Variants in NR1H4 observed in about 807,000 individuals in gnomAD.
The protein encoded by NR1H4 is bile acid receptor.
In NR1H4, 23 loss-of-function variants were observed where a neutral mutation model predicts 58.5. The ratio of observed to expected loss-of-function variants is 0.39; its 90% CI spans 0.28 to 0.56. NR1H4 has a LOEUF of 0.56. NR1H4 is among the 20% of genes least tolerant of loss of function. The pLI is 0.58. For synonymous variants in NR1H4, 214 were observed against 198.0 expected (o/e 1.08, Z -0.68); for missense variants, 487 against 576.9 (o/e 0.84, Z 1.60).
intron 3 of NR1H4, among the ~76,000 whole-genome samples, chr12:100,494,949 A>G (rs922368898): frequency 3.3e-5 from 5 of 152,210 alleles, no homozygotes; most frequent in South Asian, 2.1e-4. Flanking sequence ...CAATTTGCAT[A>G]CAGAGAGAAA....
At chr12:100,524,868 G>T (rs61046002) in intron 4 of NR1H4, among the ~76,000 whole-genome samples, 8,928 of 152,162 alleles carry the variant, frequency 0.059, 542 homozygotes, top group East Asian at 0.14. Context: ...GAAGGGGCTG[G>T]TGGGAAGAAA....
chr12:100,552,946 C>G (rs1955236836), intron 9 of NR1H4, among the ~76,000 whole-genome samples: 1 of 151,920 alleles, frequency 6.6e-6, no homozygotes, highest in Admixed American at 6.6e-5. Flanking sequence ...TATGGAGCAC[C>G]CTTTATGGGT....
intron 9 of NR1H4, among the ~76,000 whole-genome samples, chr12:100,556,670 G>A (rs1165015356): frequency 6.6e-6 from 1 of 152,180 alleles, no homozygotes; most frequent in Non-Finnish European, 1.5e-5. Context: ...ATTTGGGAAT[G>A]TGTGTTGGAT....
intron 4 of NR1H4, among the ~76,000 whole-genome samples, chr12:100,516,823 C>A (rs929293524): frequency 2.0e-5 from 3 of 152,122 alleles, no homozygotes; most frequent in Non-Finnish European, 4.4e-5. Context: ...GTGCTAATAG[C>A]TTGTGTGATG....
chr12:100,537,114 C>G, intron 8 of NR1H4, 67 bp downstream of exon 8: 1 of 963,288 alleles, frequency 1.0e-6, no homozygotes, highest in South Asian at 1.4e-5. Context: ...GATTAGATTA[C>G]CTATTTTACA....
At chr12:100,557,470 A>G (rs542433329) in intron 9 of NR1H4, among the ~76,000 whole-genome samples, 13 of 152,356 alleles carry the variant, frequency 8.5e-5, no homozygotes, top group African/African-American at 3.1e-4. Context: ...ATTTAGAGGC[A>G]AAAAACATCC....
At chr12:100,487,195 TATG>T (rs1308378386) in intron 1 of NR1H4, among the ~76,000 whole-genome samples, 1 of 152,050 alleles carries the variant, frequency 6.6e-6, no homozygotes, top group East Asian at 1.9e-4. Context: ...CTAATAAAGG[TATG>T]ATGAGAAAAG....
At chr12:100,532,653 G>A (rs1486554918) in intron 5 of NR1H4, 43 bp downstream of exon 5, 1 of 1,573,308 alleles carries the variant, frequency 6.4e-7, no homozygotes, top group Non-Finnish European at 8.7e-7. Flanking sequence ...AATCTCTTAA[G>A]GAGGCAGATG....
intron 4 of NR1H4, among the ~76,000 whole-genome samples, chr12:100,519,118 G>A (rs1384258629): frequency 2.0e-5 from 3 of 152,068 alleles, no homozygotes; most frequent in Non-Finnish European, 2.9e-5. Context: ...GTTGGTGTAC[G>A]AATTAACTGG....
chr12:100,550,704 C>T (rs899545546), intron 9 of NR1H4, among the ~76,000 whole-genome samples: 27 of 152,108 alleles, frequency 1.8e-4, no homozygotes, highest in African/African-American at 6.3e-4. Context: ...TAGCAATAAC[C>T]TCTCAGAGAT....
chr12:100,512,837 T>C (rs1954157457), intron 4 of NR1H4, among the ~76,000 whole-genome samples: 1 of 152,210 alleles, frequency 6.6e-6, no homozygotes, highest in Admixed American at 6.5e-5. Context: ...TGTGACACAC[T>C]GGGGTTCCCT....
intron 4 of NR1H4, among the ~76,000 whole-genome samples, chr12:100,514,328 G>C (rs938685541): frequency 3.3e-5 from 5 of 152,114 alleles, no homozygotes; most frequent in Non-Finnish European, 7.4e-5. Flanking sequence ...TAATCTGCCT[G>C]TTTCATCTTC....
intron 8 of NR1H4, among the ~76,000 whole-genome samples, chr12:100,538,424 T>C (rs1214409099): frequency 6.6e-6 from 1 of 152,138 alleles, no homozygotes; most frequent in Non-Finnish European, 1.5e-5. Context: ...TCGATAGGGC[T>C]TGAGGAACAG....
At chr12:100,516,560 G>A (rs558001205) in intron 4 of NR1H4, among the ~76,000 whole-genome samples, 138 of 152,040 alleles carry the variant, frequency 9.1e-4, no homozygotes, top group Non-Finnish European at 1.6e-3. Flanking sequence ...TAGAGACAGG[G>A]TTTCACCATG....
At chr12:100,545,872 A>G (rs1955058154) in intron 9 of NR1H4, among the ~76,000 whole-genome samples, 3 of 152,076 alleles carry the variant, frequency 2.0e-5, no homozygotes, top group South Asian at 4.2e-4. Flanking sequence ...AAGGGGGAGG[A>G]AGCAGGTGGA....
At chr12:100,532,740 G>T in intron 5 of NR1H4, 130 bp downstream of exon 5, 1 of 781,920 alleles carries the variant, frequency 1.3e-6, no homozygotes, top group Non-Finnish European at 2.0e-6. Context: ...TCTTGAAAAG[G>T]GTAATGAACC....
intron 4 of NR1H4, among the ~76,000 whole-genome samples, chr12:100,522,293 C>T (rs1481671936): frequency 1.3e-5 from 2 of 152,070 alleles, no homozygotes; most frequent in Non-Finnish European, 2.9e-5. Context: ...TGTGCAGGCA[C>T]TGTTCTGGGA....
At chr12:100,477,626 C>T (rs531777265) in intron 1 of NR1H4, among the ~76,000 whole-genome samples, 52 of 152,246 alleles carry the variant, frequency 3.4e-4, no homozygotes, top group Non-Finnish European at 6.0e-4. Flanking sequence ...AGAAGATAGT[C>T]CTGCTGTGGG....
intron 4 of NR1H4, among the ~76,000 whole-genome samples, chr12:100,531,513 A>C (rs2136225123): frequency 6.6e-6 from 1 of 152,346 alleles, no homozygotes; most frequent in Non-Finnish European, 1.5e-5. Context: ...GTCTCTAAAC[A>C]ACCCAACCCA....
Sources: allele counts gnomAD v4.1 joint callset (sites outside exome capture counted in the v4.1 genomes callset), GRCh38; gene constraint gnomAD v4.1.1; transcripts MANE v1.5; gene names NCBI Gene and HGNC (gene_info 2026-07-23, HGNC 2026-07-21).